MAP4: variants seen among roughly 807,000 people sequenced by gnomAD.
The protein encoded by MAP4 is microtubule associated protein 4, also known as microtubule-associated protein 4.
In MAP4, 76 loss-of-function variants were observed where a neutral mutation model predicts 170.2. The ratio of observed to expected loss-of-function variants is 0.45; its 90% CI spans 0.37 to 0.54. MAP4 has a LOEUF of 0.54. Ranked by LOEUF, MAP4 falls within the 20% of genes least tolerant of loss-of-function variation. The probability of loss-of-function intolerance (pLI) is 0.00; values close to 1 mark genes in which losing one functional copy is unlikely to be tolerated. For synonymous variants in MAP4, 909 were observed against 994.5 expected, an observed-to-expected ratio of 0.91 and a Z score of 1.62; for missense variants, 2,506 against 2,748.0, an observed-to-expected ratio of 0.91 and a Z score of 1.97.
intron 18 of MAP4, among the ~76,000 whole-genome samples, chr3:47,856,997 C>T (rs1352207110): frequency 1.3e-5 from 2 of 152,360 alleles, no homozygotes; most frequent in Middle Eastern, 3.4e-3. Flanking sequence ...CATTCTCCTG[C>T]CAGGGCTAGC....
intron 1 of MAP4, among the ~76,000 whole-genome samples, chr3:48,000,447 C>T (rs2100098523): frequency 6.6e-6 from 1 of 152,056 alleles, no homozygotes; most frequent in African/African-American, 2.4e-5. Flanking sequence ...ATGTAATGGC[C>T]ACTACTTGTG....
chr3:47,922,909 G>T (rs2100043778), intron 4 of MAP4, among the ~76,000 whole-genome samples: 1 of 152,148 alleles, frequency 6.6e-6, no homozygotes, highest in Non-Finnish European at 1.5e-5. Flanking sequence ...AATTAGTCAG[G>T]CGTGGTGGCA....
At chr3:47,964,183 A>C (rs2166770) in intron 3 of MAP4, among the ~76,000 whole-genome samples, 57,065 of 152,084 alleles carry the variant, frequency 0.38, 11,487 homozygotes, top group African/African-American at 0.52. Flanking sequence ...TCTGTGCAAA[A>C]GAACAGCATG....
At chr3:47,853,500 C>T in intron 19 of MAP4, 148 bp from the exon 20 acceptor site, 1 of 631,142 alleles carries the variant, frequency 1.6e-6, no homozygotes, top group Non-Finnish European at 2.7e-6. Flanking sequence ...GAATCCCAGG[C>T]AGGTGCCCCG....
Position 47,925,000 on chromosome 3 carries a change from C to T in MAP4, c.416-3122G>A, listed in dbSNP as rs765907843. On this transcript the variant is annotated intron_variant, in intron 4 of 20. Transcript: ENST00000683076. ...TAATTTTTTGTATTTTTAGGAGAGA[C>T]GGGGTTTCACCATGTTGGCCAGGAT... 6.6e-5 allele frequency among the ~76,000 whole-genome samples: 10 copies of T among 152,130 alleles called. No homozygotes were observed. In the East Asian group the frequency reaches 7.7e-4, roughly 12 times the overall value.
chr3:47,985,335 G>A (rs2100088001), intron 2 of MAP4, among the ~76,000 whole-genome samples: 1 of 152,114 alleles, frequency 6.6e-6, no homozygotes, highest in Admixed American at 6.5e-5. Context: ...CTACTTGGGA[G>A]GCTGAGGCTG....
At chr3:47,981,464 A>C (rs2100085388) in intron 2 of MAP4, among the ~76,000 whole-genome samples, 1 of 151,956 alleles carries the variant, frequency 6.6e-6, no homozygotes, top group Non-Finnish European at 1.5e-5. Context: ...CGTAATAAAA[A>C]ATAATAATAA....
At chr3:47,925,043 C>T (rs1174415233) in intron 4 of MAP4, among the ~76,000 whole-genome samples, 1 of 152,154 alleles carries the variant, frequency 6.6e-6, no homozygotes, top group African/African-American at 2.4e-5. Context: ...ATCTCTTGAC[C>T]TCGTGATCCA....
At chr3:48,075,411 G>A (rs1579837231) in intron 1 of MAP4, among the ~76,000 whole-genome samples, 1 of 151,986 alleles carries the variant, frequency 6.6e-6, no homozygotes, top group African/African-American at 2.4e-5. Flanking sequence ...TGTAATCCCA[G>A]CTACTCAAGA....
intron 1 of MAP4, among the ~76,000 whole-genome samples, chr3:48,079,525 T>G (rs1355793089): frequency 1.3e-5 from 2 of 151,530 alleles, no homozygotes; most frequent in Non-Finnish European, 2.9e-5. Flanking sequence ...CCTGGTGGTG[T>G]GCACCTGTAC....
At chr3:48,002,989 A>ATAAG (rs2100100147) in intron 1 of MAP4, among the ~76,000 whole-genome samples, 1 of 151,306 alleles carries the variant, frequency 6.6e-6, no homozygotes, top group Non-Finnish European at 1.5e-5. Flanking sequence ...AAATAAATAA[A>ATAAG]TAAATTTAAT....
intron 1 of MAP4, among the ~76,000 whole-genome samples, chr3:48,007,893 G>C (rs945534551): frequency 6.6e-6 from 1 of 151,914 alleles, no homozygotes; most frequent in African/African-American, 2.4e-5. Flanking sequence ...GGATGGTCTC[G>C]ATCTCTTGAC....
chr3:48,038,304 G>A (rs1409650038), intron 1 of MAP4, among the ~76,000 whole-genome samples: 1 of 151,596 alleles, frequency 6.6e-6, no homozygotes, highest in Admixed American at 6.6e-5. Context: ...AAAAATATGT[G>A]TTTTTCTAAT....
chr3:47,984,326 A>C (rs1015923255), intron 2 of MAP4, among the ~76,000 whole-genome samples: 1 of 152,152 alleles, frequency 6.6e-6, no homozygotes, highest in Non-Finnish European at 1.5e-5. Context: ...TAAAATGTGC[A>C]AAAGGGAATT....
intron 5 of MAP4, among the ~76,000 whole-genome samples, chr3:47,921,228 C>T (rs1489611417): frequency 6.6e-6 from 1 of 152,236 alleles, no homozygotes; most frequent in East Asian, 1.9e-4. Flanking sequence ...CTTGTCACAC[C>T]CACAGCCCCT....
intron 2 of MAP4, among the ~76,000 whole-genome samples, chr3:47,993,545 A>G (rs1220793365): frequency 6.6e-6 from 1 of 152,206 alleles, no homozygotes; most frequent in Non-Finnish European, 1.5e-5. Flanking sequence ...TTTCCACTCA[A>G]CTGGTGCCAA....
At chr3:47,875,414 C>A (rs2095000948) in intron 12 of MAP4, among the ~76,000 whole-genome samples, 1 of 152,126 alleles carries the variant, frequency 6.6e-6, no homozygotes, top group Admixed American at 6.5e-5. Flanking sequence ...CATAAAAGGG[C>A]TTCAAAATGT....
chr3:47,994,579 T>A (rs2100094288), intron 2 of MAP4, among the ~76,000 whole-genome samples: 1 of 152,202 alleles, frequency 6.6e-6, no homozygotes, highest in Non-Finnish European at 1.5e-5. Flanking sequence ...AGTTATTTGA[T>A]CCATGTAACA....
chr3:47,859,682 G>A (rs550172033), intron 17 of MAP4, among the ~76,000 whole-genome samples: 28 of 152,276 alleles, frequency 1.8e-4, no homozygotes, highest in African/African-American at 5.3e-4. Context: ...ATGGCTTCAC[G>A]TGTTTGATAA....
Sources: gnomAD v4.1 joint callset for allele counts (sites outside exome capture counted in the v4.1 genomes callset) on GRCh38, gnomAD v4.1.1 for gene constraint, MANE v1.5 for transcripts, NCBI Gene and HGNC (gene_info 2026-07-23, HGNC 2026-07-21) for gene names.